ARHGAP28: variants seen among roughly 807,000 people sequenced by gnomAD.
ARHGAP28 encodes rho GTPase-activating protein 28.
In ARHGAP28, 56 loss-of-function variants were observed where a neutral mutation model predicts 90.7. That is an observed-to-expected ratio of 0.62 (90% CI 0.50 to 0.77). The LOEUF (loss-of-function observed/expected upper bound fraction) is 0.77, where lower values mean the gene tolerates loss of function less well. Among genes scored for constraint, ARHGAP28 ranks in the 30% least tolerant of loss-of-function variants. The pLI, the probability that ARHGAP28 is intolerant of heterozygous loss-of-function variation, is 0.00. For missense variants in ARHGAP28, 869 were observed against 900.9 expected (o/e 0.96, Z 0.45); for synonymous variants, 308 against 323.3 (o/e 0.95, Z 0.51).
intron 1 of ARHGAP28, among the ~76,000 whole-genome samples, chr18:6,778,314 A>G (rs1372634708): frequency 2.6e-5 from 4 of 152,206 alleles, no homozygotes; most frequent in African/African-American, 9.6e-5. Flanking sequence ...AATGTCCTGG[A>G]AACTTTACTG....
chr18:6,752,701 C>T (rs2056079297), intron 1 of ARHGAP28, among the ~76,000 whole-genome samples: 1 of 152,074 alleles, frequency 6.6e-6, no homozygotes, highest in Non-Finnish European at 1.5e-5. Context: ...TCAGTTCTTG[C>T]CTGGGAGTGC....
intron 17 of ARHGAP28, among the ~76,000 whole-genome samples, chr18:6,910,668 T>C (rs1319145130): frequency 6.6e-6 from 1 of 152,030 alleles, no homozygotes; most frequent in Non-Finnish European, 1.5e-5. Flanking sequence ...TTATCACCAG[T>C]GGACTTACTT....
At chr18:6,899,832 G>C (rs924450098) in intron 16 of ARHGAP28, among the ~76,000 whole-genome samples, 3 of 152,102 alleles carry the variant, frequency 2.0e-5, no homozygotes, top group Admixed American at 6.5e-5. Flanking sequence ...CCAAAGCAGA[G>C]GTTCCCTGGT....
At chr18:6,824,712 A>G (rs914471153) in intron 1 of ARHGAP28, 50 bp from the exon 2 acceptor site, 2 of 1,427,872 alleles carry the variant, frequency 1.4e-6, no homozygotes, top group African/African-American at 2.9e-5. Flanking sequence ...GTGGCTTTAT[A>G]ACATAAAAAT....
chr18:6,865,785 C>T (rs2057033789), intron 5 of ARHGAP28, among the ~76,000 whole-genome samples: 1 of 152,168 alleles, frequency 6.6e-6, no homozygotes, highest in African/African-American at 2.4e-5. Flanking sequence ...TCATACTCTA[C>T]TTTCCAATCC....
At chr18:6,886,987 A>G (rs2057226824) in intron 11 of ARHGAP28, among the ~76,000 whole-genome samples, 170 bp from the exon 12 acceptor site, 1 of 152,156 alleles carries the variant, frequency 6.6e-6, no homozygotes, top group Non-Finnish European at 1.5e-5. Flanking sequence ...GAGTTGATGG[A>G]CAGAGGCTCC....
At position 6,914,132 on chromosome 18, in the gene ARHGAP28, A is replaced by G. The variant is rs752704518; in HGVS notation, c.*1978A>G. The G allele has an allele frequency of 2.6e-5, 4 of 152,186 alleles. No homozygotes were observed. Among genetic ancestry groups the G allele is most frequent in the Non-Finnish European group, 4.4e-5 (3 of 68,024 alleles). 9.4% of individuals were successfully genotyped at this position (152,186 alleles called of 1,614,324 possible). A position where few individuals can be genotyped will look rare whatever the true frequency, so the allele number is the denominator to read the frequency against. Reference sequence around the variant, plus strand: ...TCTGTTCATTTAATTTTTTAATTTGAGAATTTTTATTTCTTTTGACTGAAA... The same window carrying G: ...TCTGTTCATTTAATTTTTTAATTTGGGAATTTTTATTTCTTTTGACTGAAA... On this transcript the variant is annotated 3_prime_UTR_variant, in exon 18 of 18. Transcript: ENST00000383472.
intron 3 of ARHGAP28, among the ~76,000 whole-genome samples, chr18:6,839,194 T>A (rs1256061755): frequency 3.3e-5 from 5 of 152,190 alleles, no homozygotes; most frequent in South Asian, 2.1e-4. Flanking sequence ...AAGGCTATTA[T>A]ACTTCTTAAC....
At chr18:6,857,833 C>T (rs1467756500) in intron 4 of ARHGAP28, among the ~76,000 whole-genome samples, 1 of 152,164 alleles carries the variant, frequency 6.6e-6, no homozygotes, top group Non-Finnish European at 1.5e-5. Context: ...ATTGATTTTC[C>T]GATTGTATAG....
intron 1 of ARHGAP28, among the ~76,000 whole-genome samples, chr18:6,759,914 C>T (rs1008484943): frequency 2.0e-5 from 3 of 152,132 alleles, no homozygotes; most frequent in African/African-American, 7.2e-5. Flanking sequence ...TTGTTTGATT[C>T]AACAAGAAGG....
chr18:6,828,946 A>C (rs1383031907), intron 2 of ARHGAP28, among the ~76,000 whole-genome samples: 1 of 152,248 alleles, frequency 6.6e-6, no homozygotes, highest in Non-Finnish European at 1.5e-5. Flanking sequence ...TGGGCAGGAT[A>C]AACTGAAACT....
At chr18:6,759,674 A>G (rs930184444) in intron 1 of ARHGAP28, among the ~76,000 whole-genome samples, 1 of 152,246 alleles carries the variant, frequency 6.6e-6, no homozygotes, top group African/African-American at 2.4e-5. Flanking sequence ...CAAAAGGTAA[A>G]TAGTAGCTAA....
intron 11 of ARHGAP28, among the ~76,000 whole-genome samples, chr18:6,884,000 G>A (rs561400425): frequency 6.6e-6 from 1 of 152,088 alleles, no homozygotes; most frequent in African/African-American, 2.4e-5. Flanking sequence ...CTGTTTTTCT[G>A]TTGAGGTGAC....
chr18:6,853,346 A>G (rs1411891179), intron 4 of ARHGAP28, among the ~76,000 whole-genome samples: 1 of 152,096 alleles, frequency 6.6e-6, no homozygotes, highest in Non-Finnish European at 1.5e-5. Flanking sequence ...ATAAACATTT[A>G]TGGTCTATTC....
intron 1 of ARHGAP28, among the ~76,000 whole-genome samples, chr18:6,794,021 C>T (rs948751880): frequency 6.6e-6 from 1 of 152,032 alleles, no homozygotes; most frequent in Non-Finnish European, 1.5e-5. Flanking sequence ...CACCATTAAA[C>T]TTTTTCCAGT....
chr18:6,770,344 G>A (rs960162338), intron 1 of ARHGAP28, among the ~76,000 whole-genome samples: 8 of 152,222 alleles, frequency 5.3e-5, no homozygotes, highest in African/African-American at 1.9e-4. Context: ...CAAATACTCA[G>A]TGCTGTCTTG....
chr18:6,783,646 A>G (rs1485038745), intron 1 of ARHGAP28, among the ~76,000 whole-genome samples: 2 of 152,106 alleles, frequency 1.3e-5, no homozygotes, highest in African/African-American at 4.8e-5. Flanking sequence ...TGCTGAATTA[A>G]TCAGAAGTTC....
At chr18:6,881,483 G>C (rs2057177532) in intron 10 of ARHGAP28, among the ~76,000 whole-genome samples, 1 of 152,166 alleles carries the variant, frequency 6.6e-6, no homozygotes, top group African/African-American at 2.4e-5. Flanking sequence ...TGTAAAATTT[G>C]TTAGCCAAGT....
At chr18:6,834,162 T>A (rs544089762) in intron 2 of ARHGAP28, among the ~76,000 whole-genome samples, 1 of 150,112 alleles carries the variant, frequency 6.7e-6, no homozygotes, top group Non-Finnish European at 1.5e-5. Flanking sequence ...TTAGAGTGAT[T>A]AAAAAAAAAG....
Sources: allele counts gnomAD v4.1 joint callset (sites outside exome capture counted in the v4.1 genomes callset), GRCh38; gene constraint gnomAD v4.1.1; transcripts MANE v1.5; gene names NCBI Gene and HGNC (gene_info 2026-07-23, HGNC 2026-07-21).